CADM2: variants seen among roughly 807,000 people sequenced by gnomAD.
The protein encoded by CADM2 is immunoglobulin superfamily member 4D.
A neutral mutation model predicts 49.8 loss-of-function variants in CADM2; 12 were observed. The observed-to-expected ratio is 0.24, with a 90% CI of 0.15 to 0.39. The LOEUF (loss-of-function observed/expected upper bound fraction) is 0.39, where lower values mean the gene tolerates loss of function less well. CADM2 is among the 10% of genes least tolerant of loss of function. The pLI is 1.00. For synonymous variants in CADM2, 214 were observed against 175.4 expected, an observed-to-expected ratio of 1.22 and a Z score of -1.74; for missense variants, 378 against 492.3, an observed-to-expected ratio of 0.77 and a Z score of 2.20.
intron 1 of CADM2, among the ~76,000 whole-genome samples, chr3:85,612,103 T>C (rs935891905): frequency 6.6e-6 from 1 of 151,868 alleles, no homozygotes; most frequent in Non-Finnish European, 1.5e-5. Flanking sequence ...TGGATTCACA[T>C]GATGCATTCA....
At chr3:85,664,645 T>C (rs1265221300) in intron 1 of CADM2, among the ~76,000 whole-genome samples, 2 of 151,896 alleles carry the variant, frequency 1.3e-5, no homozygotes, top group East Asian at 3.9e-4. Context: ...CCATTACTTC[T>C]CCTGCAAACT....
At chr3:85,269,436 A>C (rs2043187949) in intron 1 of CADM2, among the ~76,000 whole-genome samples, 1 of 151,466 alleles carries the variant, frequency 6.6e-6, no homozygotes, top group Non-Finnish European at 1.5e-5. Context: ...TTAATTAATC[A>C]ATAATTTGTC....
intron 1 of CADM2, among the ~76,000 whole-genome samples, chr3:85,049,109 C>A (rs1045952450): frequency 6.6e-6 from 1 of 152,018 alleles, no homozygotes. Flanking sequence ...GTGATTCATT[C>A]CGATGAGGAT....
chr3:85,997,896 CA>C (rs1414755845), intron 8 of CADM2, among the ~76,000 whole-genome samples: 3 of 152,078 alleles, frequency 2.0e-5, no homozygotes, highest in African/African-American at 7.2e-5. Context: ...TCAAAAAATT[CA>C]GTGAAATTAG....
chr3:85,331,504 C>CTATTATATACATATATATATA (rs1275014716), intron 1 of CADM2, among the ~76,000 whole-genome samples: 1 of 151,196 alleles, frequency 6.6e-6, no homozygotes, highest in Admixed American at 6.6e-5. Flanking sequence ...CTAAAAGTGA[C>CTATTATATACATATATATATA]TATTGTCACT....
At chr3:85,694,806 A>T (rs1398822247) in intron 1 of CADM2, among the ~76,000 whole-genome samples, 1 of 152,130 alleles carries the variant, frequency 6.6e-6, no homozygotes, top group Admixed American at 6.5e-5. Flanking sequence ...AAATCCTAAG[A>T]TGCATGGAAT....
intron 2 of CADM2, among the ~76,000 whole-genome samples, chr3:85,740,979 A>C (rs2068357765): frequency 6.6e-6 from 1 of 152,200 alleles, no homozygotes; most frequent in Non-Finnish European, 1.5e-5. Flanking sequence ...AGTTCAGGAC[A>C]ACAATTCTCT....
rs367664010 is a variant in CADM2 at position 85,409,509 on chromosome 3, C to A, written c.62-317013C>A. ...TGGTCAGGGGCCATGTTGTGAAGAG[C>A]TTTCTGTGCTATACCAGGAAATTCA... On this transcript the variant is annotated intron_variant, in intron 1 of 9. Coordinates refer to ENST00000383699, the MANE Select transcript of CADM2 (RefSeq NM_001167675.2). Among the ~76,000 whole-genome samples the A allele has an allele frequency of 2.0e-5, 3 of 152,062 alleles. No homozygotes were observed. The East Asian group carries it at 5.8e-4, about 29-fold the overall frequency.
At chr3:85,610,119 C>T (rs190481355) in intron 1 of CADM2, among the ~76,000 whole-genome samples, 4 of 151,950 alleles carry the variant, frequency 2.6e-5, no homozygotes, top group Admixed American at 1.3e-4. Context: ...AAAGTGGGCT[C>T]TCTAATGAAC....
chr3:85,236,407 A>G (rs984563114), intron 1 of CADM2, among the ~76,000 whole-genome samples: 2 of 152,050 alleles, frequency 1.3e-5, no homozygotes, highest in Non-Finnish European at 2.9e-5. Flanking sequence ...AATTGAGATA[A>G]ACCTTCTTTG....
At chr3:85,328,748 C>T (rs913206878) in intron 1 of CADM2, among the ~76,000 whole-genome samples, 1 of 152,136 alleles carries the variant, frequency 6.6e-6, no homozygotes, top group African/African-American at 2.4e-5. Flanking sequence ...CTTGAAAATA[C>T]TAAGTCTAGA....
At chr3:85,686,124 C>T (rs1413159367) in intron 1 of CADM2, among the ~76,000 whole-genome samples, 1 of 152,146 alleles carries the variant, frequency 6.6e-6, no homozygotes, top group Non-Finnish European at 1.5e-5. Flanking sequence ...AATTATAGCC[C>T]AAGTGCTAGC....
intron 1 of CADM2, among the ~76,000 whole-genome samples, chr3:85,640,159 T>G (rs558248330): frequency 6.6e-6 from 1 of 152,312 alleles, no homozygotes; most frequent in African/African-American, 2.4e-5. Context: ...TGCATTTCAT[T>G]AGGATAGTAC....
intron 1 of CADM2, among the ~76,000 whole-genome samples, chr3:85,651,686 T>A (rs1381769150): frequency 6.6e-6 from 1 of 152,154 alleles, no homozygotes; most frequent in East Asian, 1.9e-4. Context: ...CTAATTCAGG[T>A]CATACTAATG....
chr3:86,030,813 T>C (rs1027893121), intron 8 of CADM2, among the ~76,000 whole-genome samples: 1 of 151,958 alleles, frequency 6.6e-6, no homozygotes, highest in South Asian at 2.1e-4. Flanking sequence ...TACTAACTTA[T>C]AATGTAGTAT....
intron 8 of CADM2, among the ~76,000 whole-genome samples, chr3:86,021,106 T>G (rs759484144): frequency 3.9e-5 from 6 of 152,140 alleles, no homozygotes; most frequent in Non-Finnish European, 8.8e-5. Flanking sequence ...TTTAAGTGAT[T>G]CTCATGCCTC....
At chr3:85,159,152 A>G (rs939705134) in intron 1 of CADM2, among the ~76,000 whole-genome samples, 7 of 152,232 alleles carry the variant, frequency 4.6e-5, no homozygotes, top group African/African-American at 1.4e-4. Context: ...ATAGTCTTCA[A>G]AAATAATTTT....
chr3:85,307,819 G>GATACAA (rs1482431689), intron 1 of CADM2, among the ~76,000 whole-genome samples: 1 of 150,824 alleles, frequency 6.6e-6, no homozygotes, highest in East Asian at 1.9e-4. Context: ...TAAAATTTAA[G>GATACAA]ATACAAATAT....
chr3:85,121,635 T>C (rs2038867848), intron 1 of CADM2, among the ~76,000 whole-genome samples: 2 of 152,140 alleles, frequency 1.3e-5, no homozygotes, highest in African/African-American at 4.8e-5. Context: ...TTTAGATATA[T>C]TTTGTGTTAT....
Sources: gnomAD v4.1 joint callset for allele counts (sites outside exome capture counted in the v4.1 genomes callset) on GRCh38, gnomAD v4.1.1 for gene constraint, MANE v1.5 for transcripts, NCBI Gene and HGNC (gene_info 2026-07-23, HGNC 2026-07-21) for gene names.